YKT6: variants seen among roughly 807,000 people sequenced by gnomAD.
The protein encoded by YKT6 is YKT6 vesicular SNARE protein, also known as synaptobrevin homolog YKT6.
A neutral mutation model predicts 29.3 loss-of-function variants in YKT6; 12 were observed. That is an observed-to-expected ratio of 0.41 (90% CI 0.26 to 0.66). The LOEUF (loss-of-function observed/expected upper bound fraction) is 0.66, where lower values mean the gene tolerates loss of function less well. Among genes scored for constraint, YKT6 ranks in the 30% least tolerant of loss-of-function variants. The pLI is 0.32. For missense variants in YKT6, 188 were observed against 243.8 expected, an observed-to-expected ratio of 0.77 and a Z score of 1.52; for synonymous variants, 86 against 94.3, an observed-to-expected ratio of 0.91 and a Z score of 0.51.
intron 2 of YKT6, among the ~76,000 whole-genome samples, chr7:44,205,739 T>C (rs2096340191): frequency 6.6e-6 from 1 of 152,202 alleles, no homozygotes; most frequent in South Asian, 2.1e-4. Flanking sequence ...ATTGTGAATA[T>C]TTTGCGGAAG....
intron 1 of YKT6, 83 bp downstream of exon 1, chr7:44,201,322 G>A: frequency 8.1e-7 from 1 of 1,229,324 alleles, no homozygotes; most frequent in Non-Finnish European, 1.1e-6. Flanking sequence ...GCCTGGGGTC[G>A]GCGGAGGGAT....
chr7:44,208,055 T>A, intron 4 of YKT6, 78 bp from the exon 5 acceptor site: 1 of 1,482,590 alleles, frequency 6.7e-7, no homozygotes, highest in South Asian at 1.2e-5. Context: ...TGAAAGTTTG[T>A]CCAGCTTCCT....
intron 6 of YKT6, 133 bp from the exon 7 acceptor site, chr7:44,212,114 C>A: frequency 1.9e-6 from 2 of 1,077,148 alleles, no homozygotes; most frequent in Non-Finnish European, 2.8e-6. Context: ...AGGCCTCCAC[C>A]CCCACCCTGT....
intron 5 of YKT6, 73 bp downstream of exon 5, chr7:44,208,271 G>C: frequency 6.6e-7 from 1 of 1,515,918 alleles, no homozygotes; most frequent in Non-Finnish European, 9.1e-7. Flanking sequence ...GGCATGCACA[G>C]ATCCATCCTC....
At chr7:44,202,247 C>T (rs1664616806) in intron 1 of YKT6, among the ~76,000 whole-genome samples, 1 of 151,820 alleles carries the variant, frequency 6.6e-6, no homozygotes, top group South Asian at 2.1e-4. Context: ...TTGAAACTTT[C>T]TGCTTCTTTG....
chr7:44,202,499 C>T (rs956244988), intron 1 of YKT6, among the ~76,000 whole-genome samples: 4 of 152,298 alleles, frequency 2.6e-5, no homozygotes, highest in Middle Eastern at 3.4e-3. Context: ...ACTTTTCTGG[C>T]GACCTTAGAT....
chr7:44,201,941 A>G (rs1459047234), intron 1 of YKT6, among the ~76,000 whole-genome samples: 2 of 152,212 alleles, frequency 1.3e-5, no homozygotes, highest in Non-Finnish European at 2.9e-5. Flanking sequence ...GAAGATGCAA[A>G]TGAAGCATGG....
In YKT6 at chr7:44,211,037, G is replaced by A. The variant is rs759488919; in HGVS notation, c.474G>A (p.Glu158=). The A allele has an allele frequency of 6.2e-7, 1 of 1,614,042 alleles. No homozygotes were observed. Among genetic ancestry groups the A allele is most frequent in the Admixed American group, 1.7e-5 (1 of 60,028 alleles). Residue 158 remains glutamate, a synonymous_variant, in exon 6 of 7, where the codon GAG becomes GAA. Coordinates refer to ENST00000223369, the MANE Select transcript of YKT6 (RefSeq NM_006555.4). ...ETKIILHNTM[E]SLLERGEKLD... is the part of the protein sequence containing the mutation. ...TTTTTGTCCAGCACAACACCATGGAGTCTCTGTTAGAGCGAGGTGAGAAGC... is the reference window on the plus strand; with the variant it reads ...TTTTTGTCCAGCACAACACCATGGAATCTCTGTTAGAGCGAGGTGAGAAGC...
At chr7:44,209,977 T>C (rs2096344821) in intron 5 of YKT6, among the ~76,000 whole-genome samples, 1 of 152,248 alleles carries the variant, frequency 6.6e-6, no homozygotes, top group African/African-American at 2.4e-5. Context: ...TATTTTAAAA[T>C]GATAAAAGGA....
intron 5 of YKT6, 56 bp from the exon 6 acceptor site, chr7:44,210,967 G>T: frequency 6.3e-7 from 1 of 1,579,150 alleles, no homozygotes. Context: ...AATATGAGGG[G>T]CTCATGTCAG....
At chr7:44,204,449 G>A in intron 1 of YKT6, 119 bp from the exon 2 acceptor site, 2 of 824,810 alleles carry the variant, frequency 2.4e-6, no homozygotes, top group South Asian at 1.7e-5. Context: ...GGGATGGGAG[G>A]GAAAGGAATG....
chr7:44,204,142 A>G (rs1400362419), intron 1 of YKT6, among the ~76,000 whole-genome samples: 1 of 152,176 alleles, frequency 6.6e-6, no homozygotes, highest in East Asian at 1.9e-4. Flanking sequence ...CACAGCCATA[A>G]ATGGTTGTGC....
chr7:44,204,729 T>G, intron 2 of YKT6, 79 bp downstream of exon 2: 1 of 1,372,448 alleles, frequency 7.3e-7, no homozygotes, highest in Non-Finnish European at 1.0e-6. Flanking sequence ...AGCTTTCTCC[T>G]TTCTACTGGG....
In YKT6 at chr7:44,209,273, C is replaced by T. The variant is rs934052311; in HGVS notation, c.459+1075C>T. On this transcript the variant is annotated intron_variant, in intron 5 of 6. Coordinates refer to ENST00000223369, the MANE Select transcript of YKT6 (RefSeq NM_006555.4). Reference sequence around the variant, plus strand: ...GTTGGCCTGCGATGGAGCCTGGGAACCTGCATTTTATAAAAAGCATCCCAG... The same window carrying T: ...GTTGGCCTGCGATGGAGCCTGGGAATCTGCATTTTATAAAAAGCATCCCAG... Among the ~76,000 whole-genome samples, 119 of 152,314 alleles carry T rather than the reference C, an allele frequency of 7.8e-4. 1 individual carries two copies. The highest frequency in any genetic ancestry group is 2.6e-3 in the African/African-American group (108 of 41,554).
Position 44,211,073 on chromosome 7 carries a change from G to A in YKT6, c.510G>A (p.Leu170=), listed in dbSNP as rs757504083. ...LLERGEKLDD[L]VSKSEVLGTQ... ...AGCGAGGTGAGAAGCTAGATGACTTGGTGTCCAAATCCGAGGTGCTGGGAA... is the reference window on the plus strand; with the variant it reads ...AGCGAGGTGAGAAGCTAGATGACTTAGTGTCCAAATCCGAGGTGCTGGGAA... Residue 170 remains leucine (L), a synonymous_variant, in exon 6 of 7, where the codon TTG becomes TTA. Transcript: ENST00000223369. 2.1e-5 allele frequency: 34 copies of A among 1,614,022 alleles called. No individual in the cohort carries two copies. The South Asian group carries it at 3.6e-4, about 17-fold the overall frequency.
intron 5 of YKT6, 194 bp from the exon 6 acceptor site, chr7:44,210,829 G>A (rs1340689719): frequency 3.1e-6 from 2 of 651,352 alleles, no homozygotes; most frequent in Non-Finnish European, 5.6e-6. Flanking sequence ...AGATTTCACG[G>A]GAATGTCACC....
rs892245580 is a variant in YKT6, at chr7:44,214,126, C to G, written c.*1844C>G. 6.6e-6 allele frequency: 1 copy of G among 152,248 alleles called. No homozygotes were observed. Among genetic ancestry groups the G allele is most frequent in the African/African-American group, 2.4e-5 (1 of 41,452 alleles). 9.4% of individuals were successfully genotyped at this position (152,248 alleles called of 1,614,324 possible). ...CCTTGCAGGGCGGGCTGGCTTGACT[C>G]AGGCCCTGTGAGATAGAGGGCCCAG... On this transcript the variant is annotated 3_prime_UTR_variant, in exon 7 of 7. Transcript: ENST00000223369.
chr7:44,203,966 C>T (rs1446078525), intron 1 of YKT6, among the ~76,000 whole-genome samples: 4 of 152,204 alleles, frequency 2.6e-5, no homozygotes, highest in Non-Finnish European at 5.9e-5. Context: ...GACCTTCTCC[C>T]TTTCACCCTT....
intron 5 of YKT6, 40 bp from the exon 6 acceptor site, chr7:44,210,983 G>A (rs772576303): frequency 1.7e-5 from 28 of 1,607,176 alleles, no homozygotes; most frequent in Admixed American, 8.3e-5. Flanking sequence ...GTCAGGGCAC[G>A]TACTGAACAG....
Sources: allele counts gnomAD v4.1 joint callset (sites outside exome capture counted in the v4.1 genomes callset), GRCh38; gene constraint gnomAD v4.1.1; transcripts MANE v1.5; gene names NCBI Gene and HGNC (gene_info 2026-07-23, HGNC 2026-07-21).